PALS1: variants seen among roughly 807,000 people sequenced by gnomAD.
PALS1 encodes protein PALS1.
PALS1 carries 31 observed loss-of-function variants against 78.9 expected under a neutral mutation model. That is an observed-to-expected ratio of 0.39 (90% confidence interval 0.30 to 0.53). The LOEUF is 0.53. Among genes scored for constraint, PALS1 ranks in the 20% least tolerant of loss-of-function variants. The pLI, the probability that PALS1 is intolerant of heterozygous loss-of-function variation, is 0.67. For missense variants in PALS1, 704 were observed against 826.5 expected, an observed-to-expected ratio of 0.85 and a Z score of 1.82; for synonymous variants, 276 against 270.9, an observed-to-expected ratio of 1.02 and a Z score of -0.18.
At chr14:67,314,379 A>G (rs1023442848) in intron 9 of PALS1, among the ~76,000 whole-genome samples, 1 of 152,226 alleles carries the variant, frequency 6.6e-6, no homozygotes, top group Non-Finnish European at 1.5e-5. Flanking sequence ...CTTTTTGAGT[A>G]TAAGGTCACA....
chr14:67,292,676 C>T lies in PALS1; in HGVS notation c.533C>T (p.Pro178Leu), dbSNP rs1566555306. 6.2e-7 allele frequency: 1 copy of T among 1,613,540 alleles called. No individual in the cohort carries two copies. Among genetic ancestry groups the T allele is most frequent in the Non-Finnish European group, 8.5e-7 (1 of 1,179,760 alleles). The part of the protein sequence containing the change: ...AITVHMNKAS[P>L]PFPLISNAQD... The stretch of plus-strand genomic sequence containing the variant: ...ACAGTACACATGAACAAGGCCAGTC[C>T]TCCATTTCCTCTTATCTCCAACGCA... The change falls in exon 4 of 15, where the codon CCT becomes CTT. Residue 178 changes from proline to leucine, a missense_variant. Transcript: ENST00000261681.
chr14:67,280,849 TTC>T (rs2084595233), intron 3 of PALS1, among the ~76,000 whole-genome samples: 1 of 101,524 alleles, frequency 9.8e-6, no homozygotes, highest in East Asian at 4.4e-4. Flanking sequence ...CCTTCCTTCC[TTC>T]CTTCCCTCCC....
Position 67,334,417 on chromosome 14 carries a change from T to A in PALS1, c.*1461T>A, listed in dbSNP as rs1295445861. ...ATTTTATTTTTATGGTGACTTTAGC[T>A]ACAGCATTTCCTATACCCAGAGCTA... On this transcript the variant is annotated 3_prime_UTR_variant, in exon 15 of 15. Coordinates refer to ENST00000261681, the MANE Select transcript of PALS1 (RefSeq NM_022474.4). 6.5e-6 allele frequency: 1 copy of A among 152,680 alleles called. No individual in the cohort carries two copies. Among genetic ancestry groups the A allele is most frequent in the Non-Finnish European group, 1.5e-5 (1 of 68,042 alleles). 9.5% of individuals were successfully genotyped at this position (152,680 alleles called of 1,614,324 possible).
At chr14:67,247,031 T>C (rs1330912466) in intron 1 of PALS1, among the ~76,000 whole-genome samples, 1 of 152,228 alleles carries the variant, frequency 6.6e-6, no homozygotes. Flanking sequence ...TATGACTATT[T>C]TTAGTTCCTT....
chr14:67,248,999 G>T (rs1880621224), intron 1 of PALS1, among the ~76,000 whole-genome samples: 1 of 150,540 alleles, frequency 6.6e-6, no homozygotes, highest in African/African-American at 2.5e-5. Flanking sequence ...GTCTCACTCT[G>T]TCCCCCAGGC....
At chr14:67,330,756 GCTTC>G (rs1446290430) in intron 14 of PALS1, among the ~76,000 whole-genome samples, 2 of 151,998 alleles carry the variant, frequency 1.3e-5, no homozygotes, top group Non-Finnish European at 2.9e-5. Flanking sequence ...CCGGCACCCC[GCTTC>G]CTTGTTTTTC....
At chr14:67,316,935 GTT>G in intron 10 of PALS1, 32 bp downstream of exon 10, 1 of 1,543,730 alleles carries the variant, frequency 6.5e-7, no homozygotes, top group Non-Finnish European at 8.9e-7. Flanking sequence ...TAAGTAAATG[GTT>G]TCTTGGGTCT....
chr14:67,324,545 A>C (rs1418153492), intron 14 of PALS1, among the ~76,000 whole-genome samples: 1 of 150,328 alleles, frequency 6.7e-6, no homozygotes, highest in African/African-American at 2.5e-5. Context: ...GCATATTTAC[A>C]CTCCTTTCTT....
At chr14:67,317,668 T>C (rs942168924) in intron 11 of PALS1, among the ~76,000 whole-genome samples, 189 bp downstream of exon 11, 1 of 152,212 alleles carries the variant, frequency 6.6e-6, no homozygotes, top group Non-Finnish European at 1.5e-5. Flanking sequence ...TCAAGTACTA[T>C]TTAGCATATG....
rs754214867 is a variant in PALS1 at position 67,306,580 on chromosome 14, G to A, written c.1041+2981G>A. 2.6e-5 allele frequency among the ~76,000 whole-genome samples: 4 copies of A among 151,426 alleles called. No homozygotes were observed. The South Asian group carries it at 8.4e-4, about 32-fold the overall frequency. On this transcript the variant is annotated intron_variant, in intron 8 of 14. Coordinates refer to ENST00000261681, the MANE Select transcript of PALS1 (RefSeq NM_022474.4). Reference sequence around the variant, plus strand: ...GACAGAGTTTCACCATGTTGGCCAGGCTGGTCTTGAACTCCTGACCTCTGA... The same window carrying A: ...GACAGAGTTTCACCATGTTGGCCAGACTGGTCTTGAACTCCTGACCTCTGA...
chr14:67,260,982 A>G (rs1289274669), intron 1 of PALS1, among the ~76,000 whole-genome samples: 1 of 152,152 alleles, frequency 6.6e-6, no homozygotes, highest in East Asian at 1.9e-4. Context: ...AATGCCCTGG[A>G]GTCAAGCAGA....
At chr14:67,284,641 T>C (rs1364335035) in intron 3 of PALS1, among the ~76,000 whole-genome samples, 1 of 141,602 alleles carries the variant, frequency 7.1e-6, no homozygotes, top group Admixed American at 7.3e-5. Context: ...CCATTAATGG[T>C]CACTCCCTAT....
intron 14 of PALS1, among the ~76,000 whole-genome samples, chr14:67,331,841 A>G (rs1225733238): frequency 6.6e-6 from 1 of 152,148 alleles, no homozygotes; most frequent in African/African-American, 2.4e-5. Context: ...TTTTAGCAAA[A>G]ATGTCAGTGT....
At chr14:67,303,697 C>A in intron 8 of PALS1, 98 bp downstream of exon 8, 1 of 751,288 alleles carries the variant, frequency 1.3e-6, no homozygotes, top group South Asian at 1.7e-5. Context: ...TTCCTGTACT[C>A]AAATAAATTC....
intron 10 of PALS1, 118 bp from the exon 11 acceptor site, chr14:67,317,290 T>G (rs1313182691): frequency 1.5e-5 from 13 of 865,166 alleles, no homozygotes; most frequent in Non-Finnish European, 2.1e-5. Context: ...TATGGAGATC[T>G]CGTTTCTGCA....
At chr14:67,312,465 G>A in intron 8 of PALS1, 62 bp from the exon 9 acceptor site, 3 of 1,174,552 alleles carry the variant, frequency 2.6e-6, no homozygotes, top group Non-Finnish European at 3.5e-6. Context: ...CATTTAAATT[G>A]TATTCATATG....
At chr14:67,320,908 A>G (rs374682595) in intron 12 of PALS1, 149 bp from the exon 13 acceptor site, 1 of 662,022 alleles carries the variant, frequency 1.5e-6, no homozygotes. Context: ...AAATAAAAAC[A>G]ATGTTAAACA....
intron 14 of PALS1, among the ~76,000 whole-genome samples, chr14:67,329,961 C>G (rs1459661712): frequency 6.6e-6 from 1 of 151,006 alleles, no homozygotes. Context: ...TACTCTGAAT[C>G]TGTTCTTCTA....
chr14:67,300,597 G>A lies in PALS1; in HGVS notation c.577-792G>A, dbSNP rs187041721. Among the ~76,000 whole-genome samples the A allele has an allele frequency of 8.5e-5, 13 of 152,146 alleles. No individual in the cohort carries two copies. In the East Asian group the frequency reaches 2.3e-3, roughly 27 times the overall value. ...CCTGCTTTGGCTTCCCAAAGTGCTG[G>A]GATTACTGGTGTGAGCCATTGTATC... On this transcript the variant is annotated intron_variant, in intron 4 of 14. Transcript: ENST00000261681.
Sources: gnomAD v4.1 joint callset for allele counts (sites outside exome capture counted in the v4.1 genomes callset) on GRCh38, gnomAD v4.1.1 for gene constraint, MANE v1.5 for transcripts, NCBI Gene and HGNC (gene_info 2026-07-23, HGNC 2026-07-21) for gene names.